Variants in AIG1 observed in about 807,000 individuals in gnomAD.
AIG1 encodes the protein androgen induced 1, also known as androgen-induced gene 1 protein.
In AIG1, 23 loss-of-function variants were observed where a neutral mutation model predicts 31.4. The observed-to-expected ratio is 0.73, with a 90% CI of 0.53 to 1.04. The LOEUF (loss-of-function observed/expected upper bound fraction) is 1.04. Among genes scored for constraint, AIG1 ranks in the 50% least tolerant of loss-of-function variants. The pLI is 0.00. For synonymous variants in AIG1, 100 were observed against 110.5 expected, an observed-to-expected ratio of 0.90 and a Z score of 0.60; for missense variants, 274 against 295.0, an observed-to-expected ratio of 0.93 and a Z score of 0.52.
rs1163283544 is a variant in AIG1 at position 143,306,787 on chromosome 6, G to A, written c.515+22562G>A. On this transcript the variant is annotated intron_variant, in intron 4 of 5. Transcript: ENST00000357847. ...GGGAAGTTCTCCTGGATAATATCCC[G>A]CAGAGTGTTTTCCAACTTGGTTCCA... Among the ~76,000 whole-genome samples, 7 of 152,142 alleles carry A rather than the reference G, an allele frequency of 4.6e-5. No homozygotes were observed. In the South Asian group the frequency reaches 1.0e-3, roughly 23 times the overall value.
chr6:143,227,546 G>A (rs1279811897), intron 3 of AIG1, among the ~76,000 whole-genome samples: 2 of 152,080 alleles, frequency 1.3e-5, no homozygotes, highest in African/African-American at 2.4e-5. Flanking sequence ...CACAAAAACA[G>A]GCTTTTAGGG....
chr6:143,130,589 C>T (rs1325585439), intron 1 of AIG1, among the ~76,000 whole-genome samples: 1 of 151,764 alleles, frequency 6.6e-6, no homozygotes, highest in Admixed American at 6.6e-5. Flanking sequence ...TGTGGTGGTG[C>T]GTGCCTGTAA....
At chr6:143,231,781 G>A (rs1793464876) in intron 3 of AIG1, among the ~76,000 whole-genome samples, 1 of 152,180 alleles carries the variant, frequency 6.6e-6, no homozygotes, top group South Asian at 2.1e-4. Context: ...TACAGCACAT[G>A]TCAGTTTAGG....
intron 3 of AIG1, among the ~76,000 whole-genome samples, chr6:143,246,951 A>G (rs1794661841): frequency 6.6e-6 from 1 of 152,198 alleles, no homozygotes; most frequent in Admixed American, 6.5e-5. Flanking sequence ...ATGACAGGAA[A>G]AGGATACAGA....
chr6:143,213,938 A>G (rs1046824927), intron 3 of AIG1, among the ~76,000 whole-genome samples: 3 of 152,224 alleles, frequency 2.0e-5, no homozygotes, highest in African/African-American at 7.2e-5. Flanking sequence ...GGCTCTCCAT[A>G]TAAATAATGC....
intron 1 of AIG1, among the ~76,000 whole-genome samples, chr6:143,075,733 T>A (rs1777676305): frequency 6.6e-6 from 1 of 152,202 alleles, no homozygotes; most frequent in Non-Finnish European, 1.5e-5. Context: ...CTTTCCTATA[T>A]AAGCATTCGA....
In AIG1 at chr6:143,248,022, G is replaced by A. The variant is rs143392812; in HGVS notation, c.400-36088G>A. ...TAACCCATATTGGGTTCTGCCTCTGGCAAACTGAGCCATGCTGAGCATCAG... is the reference window on the plus strand; with the variant it reads ...TAACCCATATTGGGTTCTGCCTCTGACAAACTGAGCCATGCTGAGCATCAG... On this transcript the variant is annotated intron_variant, in intron 3 of 5. Coordinates refer to ENST00000357847, the MANE Select transcript of AIG1 (RefSeq NM_016108.4). 6.3e-3 allele frequency among the ~76,000 whole-genome samples: 952 copies of A among 152,246 alleles called. 8 individuals carry two copies. Among genetic ancestry groups the A allele is most frequent in the Non-Finnish European group, 9.6e-3 (654 of 68,008 alleles).
At chr6:143,335,984 T>TA (rs398094633) in intron 5 of AIG1, among the ~76,000 whole-genome samples, 1 of 151,250 alleles carries the variant, frequency 6.6e-6, no homozygotes, top group Non-Finnish European at 1.5e-5. Flanking sequence ...AAAAAAGAAT[T>TA]GAGTATCAGT....
intron 1 of AIG1, among the ~76,000 whole-genome samples, chr6:143,118,257 G>A (rs778805234): frequency 5.9e-5 from 9 of 152,160 alleles, no homozygotes; most frequent in Non-Finnish European, 1.2e-4. Flanking sequence ...TCAGGAGATC[G>A]AGAGCATCCT....
At chr6:143,128,255 T>G (rs1423623933) in intron 1 of AIG1, among the ~76,000 whole-genome samples, 2 of 152,132 alleles carry the variant, frequency 1.3e-5, no homozygotes, top group Admixed American at 6.5e-5. Context: ...CGAAAATGAA[T>G]TTAAAATCTA....
intron 1 of AIG1, among the ~76,000 whole-genome samples, chr6:143,102,025 A>G (rs1331261847): frequency 6.6e-6 from 1 of 152,170 alleles, no homozygotes; most frequent in Non-Finnish European, 1.5e-5. Flanking sequence ...GACCTAGCCT[A>G]TGCTATTCAG....
At position 143,118,457 on chromosome 6, in the gene AIG1, C is replaced by CA. The variant is rs113127575; in HGVS notation, c.142-18362dup. On this transcript the variant is annotated intron_variant, in intron 1 of 5. Coordinates refer to ENST00000357847, the MANE Select transcript of AIG1 (RefSeq NM_016108.4). ...CTGGCAACAGAGCGAGACTCCGTCTCAAAAAAAAAAAAAAAATCACTAAAA... is the reference window on the plus strand; with the variant it reads ...CTGGCAACAGAGCGAGACTCCGTCTCAAAAAAAAAAAAAAAAATCACTAAAA... Among the ~76,000 whole-genome samples the CA allele has an allele frequency of 7.8e-3, 868 of 110,850 alleles. 5 individuals carry two copies. Among genetic ancestry groups the CA allele is most frequent in the African/African-American group, 0.012 (431 of 35,476 alleles). The allele number at this position is 110,850 out of a possible 152,430, so 72.7% of individuals were successfully genotyped here. A position where few individuals can be genotyped will look rare whatever the true frequency, so the allele number is the denominator to read the frequency against.
At chr6:143,151,254 CTCATGTTTGGGAAATAAA>C (rs1785198170) in intron 2 of AIG1, among the ~76,000 whole-genome samples, 1 of 152,146 alleles carries the variant, frequency 6.6e-6, no homozygotes, top group African/African-American at 2.4e-5. Context: ...CATACAACTA[CTCATGTTTGGGAAATAAA>C]TCACAATTGT....
At chr6:143,114,888 C>T (rs1017402005) in intron 1 of AIG1, among the ~76,000 whole-genome samples, 5 of 152,152 alleles carry the variant, frequency 3.3e-5, no homozygotes, top group African/African-American at 9.7e-5. Flanking sequence ...AGTCCTGGCT[C>T]GTGGAGTTGT....
At chr6:143,188,930 C>G in intron 3 of AIG1, 1 of 984,288 alleles carries the variant, frequency 1.0e-6, no homozygotes, top group Non-Finnish European at 1.2e-6. Context: ...CTTAAAAGCT[C>G]AAGCCTTCCA....
intron 1 of AIG1, chr6:143,061,570 C>T: frequency 3.3e-6 from 1 of 304,554 alleles, no homozygotes; most frequent in Non-Finnish European, 6.6e-6. Flanking sequence ...GGAGAGAAAG[C>T]ACCTAATAAA....
At chr6:143,150,986 A>C (rs1174278226) in intron 2 of AIG1, among the ~76,000 whole-genome samples, 1 of 152,214 alleles carries the variant, frequency 6.6e-6, no homozygotes, top group Non-Finnish European at 1.5e-5. Flanking sequence ...GGTAGACCAA[A>C]TGCCAAGAAA....
Position 143,302,210 on chromosome 6 carries a change from C to CT in AIG1, c.515+17993dup, listed in dbSNP as rs1021190015. Among the ~76,000 whole-genome samples, 7 of 147,128 alleles carry CT rather than the reference C, an allele frequency of 4.8e-5. No individual in the cohort carries two copies. In the East Asian group the frequency reaches 1.0e-3, roughly 21 times the overall value. On this transcript the variant is annotated intron_variant, in intron 4 of 5. Coordinates refer to ENST00000357847, the MANE Select transcript of AIG1 (RefSeq NM_016108.4). ...TTTTTTATTTTTTATTTTTTTCTTT[C>CT]TTTTTTTTAATTTAATTTTATTATT...
intron 3 of AIG1, among the ~76,000 whole-genome samples, chr6:143,177,776 A>G (rs1019436680): frequency 6.6e-6 from 1 of 152,190 alleles, no homozygotes; most frequent in Non-Finnish European, 1.5e-5. Context: ...TGGAGGGGTC[A>G]GGGTCACTGG....
Sources: gnomAD v4.1 joint callset for allele counts (sites outside exome capture counted in the v4.1 genomes callset) on GRCh38, gnomAD v4.1.1 for gene constraint, MANE v1.5 for transcripts, NCBI Gene and HGNC (gene_info 2026-07-23, HGNC 2026-07-21) for gene names.